Variants in CDH8 observed in about 807,000 individuals in gnomAD.
CDH8 encodes cadherin 8.
A neutral mutation model predicts 68.1 loss-of-function variants in CDH8; 17 were observed. The observed-to-expected ratio is 0.25, with a 90% CI of 0.17 to 0.37. The LOEUF is 0.37. Among genes scored for constraint, CDH8 ranks in the 10% least tolerant of loss-of-function variants. The pLI is 1.00. For missense variants in CDH8, 763 were observed against 999.3 expected, an observed-to-expected ratio of 0.76 and a Z score of 3.19; for synonymous variants, 372 against 365.1, an observed-to-expected ratio of 1.02 and a Z score of -0.21.
intron 7 of CDH8, among the ~76,000 whole-genome samples, chr16:61,800,736 T>C (rs532000747): frequency 1.3e-5 from 2 of 152,226 alleles, no homozygotes; most frequent in South Asian, 2.1e-4. Context: ...TGAATGAAAA[T>C]AGAAGCTCTC....
chr16:61,870,453 T>G (rs1463980721), intron 3 of CDH8, among the ~76,000 whole-genome samples: 2 of 152,126 alleles, frequency 1.3e-5, no homozygotes, highest in Non-Finnish European at 2.9e-5. Flanking sequence ...AGGGAAATGT[T>G]TTCAAAACAG....
chr16:61,666,643 C>CT (rs35247480), intron 10 of CDH8, among the ~76,000 whole-genome samples: 114,196 of 151,874 alleles, frequency 0.75, 44,037 homozygotes, highest in African/African-American at 0.94. Context: ...TTGTGCCTTG[C>CT]GAGAAATGTT....
At chr16:62,002,781 C>T (rs1470186176) in intron 2 of CDH8, among the ~76,000 whole-genome samples, 3 of 152,126 alleles carry the variant, frequency 2.0e-5, no homozygotes, top group East Asian at 1.9e-4. Flanking sequence ...TGGCCGGGTG[C>T]GGTGGCTCAC....
intron 2 of CDH8, among the ~76,000 whole-genome samples, chr16:61,973,696 T>C (rs566527559): frequency 6.6e-6 from 1 of 152,180 alleles, no homozygotes; most frequent in African/African-American, 2.4e-5. Flanking sequence ...GTCATGAAAA[T>C]AGATAAACCA....
At chr16:62,022,846 A>G (rs1902105804) in intron 1 of CDH8, among the ~76,000 whole-genome samples, 1 of 152,144 alleles carries the variant, frequency 6.6e-6, no homozygotes, top group Non-Finnish European at 1.5e-5. Flanking sequence ...ATCTAACAAG[A>G]TGGCCAGTAG....
At chr16:61,788,858 A>C (rs1961307672) in intron 8 of CDH8, among the ~76,000 whole-genome samples, 1 of 152,042 alleles carries the variant, frequency 6.6e-6, no homozygotes, top group Non-Finnish European at 1.5e-5. Context: ...ACTCTAAAAA[A>C]AACAAAAAAT....
intron 4 of CDH8, among the ~76,000 whole-genome samples, chr16:61,846,490 G>T (rs990927299): frequency 1.3e-5 from 2 of 152,042 alleles, no homozygotes; most frequent in African/African-American, 2.4e-5. Context: ...TAATCTAAAT[G>T]AGAGCATCAA....
chr16:61,787,878 G>A (rs1961266805), intron 8 of CDH8, among the ~76,000 whole-genome samples: 1 of 127,284 alleles, frequency 7.9e-6, no homozygotes, highest in African/African-American at 2.9e-5. Flanking sequence ...ACTCATAGGT[G>A]GGAATTGAAC....
chr16:61,928,985 G>A (rs568343841), intron 2 of CDH8, among the ~76,000 whole-genome samples: 68 of 151,954 alleles, frequency 4.5e-4, no homozygotes, highest in African/African-American at 1.6e-3. Flanking sequence ...CTCGGCTCAC[G>A]GCAAACTCTG....
At chr16:61,755,450 T>C (rs1960286909) in intron 8 of CDH8, among the ~76,000 whole-genome samples, 1 of 152,178 alleles carries the variant, frequency 6.6e-6, no homozygotes, top group African/African-American at 2.4e-5. Context: ...TATAAACATG[T>C]ATTCATATTA....
intron 3 of CDH8, among the ~76,000 whole-genome samples, chr16:61,880,626 T>C (rs1353678393): frequency 5.3e-5 from 8 of 151,374 alleles, no homozygotes; most frequent in Non-Finnish European, 1.0e-4. Context: ...GTATTTATTA[T>C]AAAATGACTC....
chr16:61,986,010 G>A (rs1400443442), intron 2 of CDH8, among the ~76,000 whole-genome samples: 2 of 128,276 alleles, frequency 1.6e-5, no homozygotes, highest in Non-Finnish European at 1.6e-5. Flanking sequence ...TGCAACCTCC[G>A]CCTCCCTGGT....
rs1963700778 is a variant in CDH8 at position 61,667,364 on chromosome 16, C to T, written c.1655-11643G>A. 3.3e-5 allele frequency: 5 copies of T among 152,008 alleles called. No individual in the cohort carries two copies. The South Asian group carries it at 1.0e-3, about 32-fold the overall frequency. The allele number at this position is 152,008 out of a possible 1,614,324, so 9.4% of individuals were successfully genotyped here. On this transcript the variant is annotated intron_variant, in intron 10 of 11. Transcript: ENST00000577390. ...TGGAAGTTCCTAGACTAACACCAAA[C>T]TGAATGTTTACCCAACAATTTACAA...
At chr16:61,874,881 A>G (rs1444061668) in intron 3 of CDH8, among the ~76,000 whole-genome samples, 1 of 152,214 alleles carries the variant, frequency 6.6e-6, no homozygotes, top group East Asian at 1.9e-4. Context: ...GAGGTTCAAC[A>G]AAAGGAATCT....
chr16:61,932,623 A>T (rs929704679), intron 2 of CDH8, among the ~76,000 whole-genome samples: 4 of 152,178 alleles, frequency 2.6e-5, no homozygotes, highest in African/African-American at 9.7e-5. Flanking sequence ...CTCATTTATT[A>T]TTTTAAAAAG....
intron 2 of CDH8, among the ~76,000 whole-genome samples, chr16:61,969,474 A>G (rs2150575892): frequency 6.6e-6 from 1 of 152,358 alleles, no homozygotes; most frequent in Non-Finnish European, 1.5e-5. Context: ...GGGCTTATCT[A>G]TGGAATGTAT....
At chr16:61,955,429 T>A (rs2143607607) in intron 2 of CDH8, among the ~76,000 whole-genome samples, 1 of 152,336 alleles carries the variant, frequency 6.6e-6, no homozygotes, top group East Asian at 1.9e-4. Context: ...ACCGTCCTTT[T>A]CTGTTCATAA....
At chr16:61,697,241 T>C (rs903646413) in intron 10 of CDH8, among the ~76,000 whole-genome samples, 1 of 152,082 alleles carries the variant, frequency 6.6e-6, no homozygotes, top group Admixed American at 6.6e-5. Context: ...AATGGGCATG[T>C]GGGTTGGTTT....
chr16:61,742,393 T>C (rs575810574), intron 8 of CDH8, among the ~76,000 whole-genome samples: 46 of 152,234 alleles, frequency 3.0e-4, no homozygotes, highest in Middle Eastern at 6.8e-3. Context: ...TGAATAAAAC[T>C]AGCAATGGTA....
Sources: allele counts gnomAD v4.1 joint callset (sites outside exome capture counted in the v4.1 genomes callset), GRCh38; gene constraint gnomAD v4.1.1; transcripts MANE v1.5; gene names NCBI Gene and HGNC (gene_info 2026-07-23, HGNC 2026-07-21).